ACHE: variants seen among roughly 807,000 people sequenced by gnomAD.
The protein encoded by ACHE is acetylcholinesterase.
In ACHE, 19 loss-of-function variants were observed where a neutral mutation model predicts 53.9. That is an observed-to-expected ratio of 0.35 (90% CI 0.25 to 0.52). The LOEUF (loss-of-function observed/expected upper bound fraction) is 0.52. ACHE is among the 20% of genes least tolerant of loss of function. The pLI, the probability that ACHE is intolerant of heterozygous loss-of-function variation, is 0.95. For synonymous variants in ACHE, 392 were observed against 378.1 expected (o/e 1.04, Z -0.43); for missense variants, 605 against 849.4 (o/e 0.71, Z 3.58).
intron 1 of ACHE, 40 bp from the exon 2 acceptor site, chr7:100,894,292 G>A (rs1301793678): frequency 7.4e-7 from 1 of 1,347,186 alleles, no homozygotes; most frequent in Non-Finnish European, 9.7e-7. Flanking sequence ...AGGGTCGGTC[G>A]AGAAGCCAGG....
At chr7:100,890,979 G>A (rs200431197) in intron 4 of ACHE, 190 bp downstream of exon 4, 8 of 1,461,254 alleles carry the variant, frequency 5.5e-6, no homozygotes, top group Middle Eastern at 2.5e-4. Context: ...GGAGGTGGGA[G>A]AGGAAGAGGA....
At chr7:100,891,388 G>GC (rs1790688824) in intron 3 of ACHE, 50 bp from the exon 4 acceptor site, 2 of 1,479,288 alleles carry the variant, frequency 1.4e-6, no homozygotes, top group Non-Finnish European at 8.9e-7. Context: ...GGAGGAGGTG[G>GC]CCCCCAACTC....
Position 100,893,803 on chromosome 7 carries a change from G to C in ACHE, c.430C>G (p.Pro144Ala). Residue 144 changes from proline (P) to alanine (A), a missense_variant, in exon 2 of 5, where the codon CCT becomes GCT. Pro to Ala is a conservative substitution (Grantham distance 27). Around this residue, in one of 4 missense-constraint regions of ACHE, gnomAD observed 397 missense variants for 632.5 expected, o/e 0.63. Coordinates refer to ENST00000241069, the MANE Select transcript of ACHE (RefSeq NM_000665.5). ...TPYPRPTSPTPVLVWIYGGGF... is the reference protein window; with the variant it reads ...TPYPRPTSPTAVLVWIYGGGF... ...CCCCCATAGATCCAGACGAGGACAG[G>C]GGTGGGGGATGTAGGCCGGGGGTAT... is the stretch of plus-strand genomic sequence containing the variant. The C allele has an allele frequency of 6.2e-7, 1 of 1,613,836 alleles. No individual in the cohort carries two copies. Among genetic ancestry groups the C allele is most frequent in the Non-Finnish European group, 8.5e-7 (1 of 1,179,968 alleles).
Position 100,892,786 on chromosome 7 carries a change from C to A in ACHE, c.1101G>T (p.Ser367=), listed in dbSNP as rs761981699. The change falls in exon 3 of 5, where the codon TCG becomes TCT. Residue 367 remains serine, a synonymous_variant. Transcript: ENST00000241069. The surrounding 1 kb of genome is among the most constrained non-coding windows in gnomAD (Gnocchi z 5.2). ...VLVGVVKDEG[S]YFLVYGAPGF... ...CTGGGGCCCCGTAAACCAGAAAATA[C>A]GAGCCCTCATCCTTCACCACACCCA... 1 of 1,598,570 alleles carries A rather than the reference C, an allele frequency of 6.3e-7. No individual in the cohort carries two copies. Among genetic ancestry groups the A allele is most frequent in the Non-Finnish European group, 8.5e-7 (1 of 1,175,888 alleles).
In ACHE at chr7:100,890,778, G is replaced by A. The variant is rs574521787; in HGVS notation, c.1723+391C>T. 2.7e-5 allele frequency: 36 copies of A among 1,351,650 alleles called. No homozygotes were observed. In the South Asian group the frequency reaches 7.4e-4, roughly 28 times the overall value. 83.7% of individuals were successfully genotyped at this position (1,351,650 alleles called of 1,614,324 possible). On this transcript the variant is annotated intron_variant, in intron 4 of 4. Coordinates refer to ENST00000241069, the MANE Select transcript of ACHE (RefSeq NM_000665.5). The stretch of plus-strand genomic sequence containing the variant: ...CCATTTCCATTCAAACAACAAAGGC[G>A]TGGGGGTCCCTGAGAAGGGTGGGAG...
chr7:100,894,176 G>A lies in ACHE; in HGVS notation c.57C>T (p.Leu19=). Residue 19 remains leucine (L), a synonymous_variant, in exon 2 of 5, where the codon CTC becomes CTT. Coordinates refer to ENST00000241069, the MANE Select transcript of ACHE (RefSeq NM_000665.5). ...CTCCACCCAGGAGCCAGAGGAGGAGGAGAAGGAGTGGGGAAGCCAGGGAAG... is the reference window on the plus strand; with the variant it reads ...CTCCACCCAGGAGCCAGAGGAGGAGAAGAAGGAGTGGGGAAGCCAGGGAAG... ...HTPSLASPLL[L]LLLWLLGGGV... 4 of 1,482,310 alleles carry A rather than the reference G, an allele frequency of 2.7e-6. No homozygotes were observed. The highest frequency in any genetic ancestry group is 3.6e-6 in the Non-Finnish European group (4 of 1,122,792). 91.8% of individuals were successfully genotyped at this position (1,482,310 alleles called of 1,614,324 possible).
rs538570516 is a variant in ACHE, at chr7:100,894,203, C to A, written c.30G>T (p.Thr10=). Residue 10 remains threonine, a synonymous_variant, in exon 2 of 5, where the codon ACG becomes ACT. Coordinates refer to ENST00000241069, the MANE Select transcript of ACHE (RefSeq NM_000665.5). Reference sequence around the variant, plus strand: ...GAAGGAGTGGGGAAGCCAGGGAAGGCGTGTGCAGCAGACACTGCGGGGGCC... The same window carrying A: ...GAAGGAGTGGGGAAGCCAGGGAAGGAGTGTGCAGCAGACACTGCGGGGGCC... MRPPQCLLH[T]PSLASPLLLL... 3 of 1,469,482 alleles carry A rather than the reference C, an allele frequency of 2.0e-6. No homozygotes were observed. Among genetic ancestry groups the A allele is most frequent in the East Asian group, 4.7e-5 (2 of 42,410 alleles). 91.0% of individuals were successfully genotyped at this position (1,469,482 alleles called of 1,614,324 possible). A position where few individuals can be genotyped will look rare whatever the true frequency, so the allele number is the denominator to read the frequency against.
rs1790775843 is a variant in ACHE at position 100,892,737 on chromosome 7, G to C, written c.1150C>G (p.Leu384Val). The C allele has an allele frequency of 6.2e-7, 1 of 1,612,972 alleles. No individual in the cohort carries two copies. The highest frequency in any genetic ancestry group is 1.3e-5 in the African/African-American group (1 of 74,902). Residue 384 changes from leucine to valine, a missense_variant, in exon 3 of 5, where the codon CTC (leucine) becomes GTC (valine). Leu to Val is a conservative substitution (Grantham distance 32). Around this residue, in one of 4 missense-constraint regions of ACHE, gnomAD observed 397 missense variants for 632.5 expected, o/e 0.63. Coordinates refer to ENST00000241069, the MANE Select transcript of ACHE (RefSeq NM_000665.5). The surrounding 1 kb of genome is among the most constrained non-coding windows in gnomAD (Gnocchi z 5.2). ...GCCAGGAACTCGGCCCGGCTGATGA[G>C]AGACTCGTTGTCTTTGCTGAAGCCT... ...APGFSKDNES[L>V]ISRAEFLAGV...
At position 100,893,939 on chromosome 7, in the gene ACHE, A is replaced by G; in HGVS notation, c.294T>C (p.Ser98=). ...GGGTGTCCACATATTGGTAGCAGAC[A>G]CTCTGGAAGGTTGTAGCGTCTACCA... ...SGVVDATTFQ[S]VCYQYVDTLY... Residue 98 remains serine, a synonymous_variant, in exon 2 of 5, where the codon AGT becomes AGC. Transcript: ENST00000241069. The G allele has an allele frequency of 1.2e-6, 2 of 1,603,864 alleles. No individual in the cohort carries two copies. The highest frequency in any genetic ancestry group is 2.2e-5 in the South Asian group (2 of 90,236).
At chr7:100,890,896 C>A in intron 4 of ACHE, 1 of 1,466,254 alleles carries the variant, frequency 6.8e-7, no homozygotes, top group Non-Finnish European at 9.0e-7. Context: ...TGGGGCCCTT[C>A]CCCACGGTCC....
At chr7:100,895,218 C>T (rs1267702763) in intron 1 of ACHE, among the ~76,000 whole-genome samples, 1 of 152,200 alleles carries the variant, frequency 6.6e-6, no homozygotes, top group Non-Finnish European at 1.5e-5. Flanking sequence ...CCCCCTCTCC[C>T]GCCGGTCACT....
intron 1 of ACHE, among the ~76,000 whole-genome samples, chr7:100,895,534 A>G (rs531355508): frequency 1.6e-4 from 25 of 152,144 alleles, no homozygotes; most frequent in African/African-American, 5.8e-4. Context: ...CTAGGGAGCG[A>G]TCGGGGAAGG....
Position 100,893,979 on chromosome 7 carries a change from T to C in ACHE, c.254A>G (p.Gln85Arg), listed in dbSNP as rs1243526956. The change falls in exon 2 of 5, where the codon CAG (glutamine) becomes CGG (arginine). Residue 85 changes from glutamine (Q) to arginine (R), a missense_variant. Gln to Arg is a conservative substitution (Grantham distance 43). Transcript: ENST00000241069. Reference protein sequence around the residue: ...PRRFLPPEPKQPWSGVVDATT... With the variant: ...PRRFLPPEPKRPWSGVVDATT... ...AGCGTCTACCACCCCTGACCAAGGC[T>C]GCTTGGGCTCCGGTGGCAGAAAGCG... The C allele has an allele frequency of 6.2e-7, 1 of 1,612,050 alleles. No individual in the cohort carries two copies. Among genetic ancestry groups the C allele is most frequent in the African/African-American group, 1.3e-5 (1 of 74,878 alleles).
intron 1 of ACHE, among the ~76,000 whole-genome samples, chr7:100,894,775 C>G (rs971355293): frequency 2.6e-5 from 4 of 152,086 alleles, no homozygotes; most frequent in African/African-American, 9.7e-5. Context: ...CAAATCCTGC[C>G]TAGTCCACTC....
At chr7:100,896,615 C>T, upstream of ACHE, 1 of 268,426 alleles carries the variant, frequency 3.7e-6, no homozygotes, top group South Asian at 2.6e-5. Context: ...CACTCCGCGG[C>T]GGCAGTGGAA....
Position 100,893,637 on chromosome 7 carries a change from G to C in ACHE, c.596C>G (p.Pro199Arg). The C allele has an allele frequency of 6.2e-7, 1 of 1,613,022 alleles. No individual in the cohort carries two copies. The highest frequency in any genetic ancestry group is 8.5e-7 in the Non-Finnish European group (1 of 1,180,014). The change falls in exon 2 of 5, where the codon CCG (proline) becomes CGG (arginine). Residue 199 changes from proline (P) to arginine (R), a missense_variant. By Grantham distance (103) the Pro-to-Arg change is moderately radical. This residue lies in a region of ACHE where 397 missense variants were observed against 632.5 expected (regional missense o/e 0.63). Coordinates refer to ENST00000241069, the MANE Select transcript of ACHE (RefSeq NM_000665.5). ...FLALPGSREAPGNVGLLDQRL... is the reference protein window; with the variant it reads ...FLALPGSREARGNVGLLDQRL... ...CTGATCCAGGAGACCCACATTGCCC[G>C]GGGCCTCTCGGCTCCCCGGCAGGGC...
Position 100,893,914 on chromosome 7 carries a change from G to C in ACHE, c.319C>G (p.Leu107Val). 1.9e-6 allele frequency: 3 copies of C among 1,601,306 alleles called. No individual in the cohort carries two copies. Among genetic ancestry groups the C allele is most frequent in the Non-Finnish European group, 2.6e-6 (3 of 1,172,700 alleles). ...TCGGTGCCCTCAAAACCTGGGTATA[G>C]GGTGTCCACATATTGGTAGCAGACA... Reference protein sequence around the residue: ...QSVCYQYVDTLYPGFEGTEMW... With the variant: ...QSVCYQYVDTVYPGFEGTEMW... The change falls in exon 2 of 5, where the codon CTA becomes GTA. Residue 107 changes from leucine to valine, a missense_variant. Leu to Val is a conservative substitution (Grantham distance 32). Transcript: ENST00000241069.
intron 4 of ACHE, chr7:100,890,827 G>A: frequency 7.1e-7 from 1 of 1,414,840 alleles, no homozygotes; most frequent in Non-Finnish European, 9.2e-7. Context: ...CTCCTGCCCT[G>A]TCCAGTGTGA....
chr7:100,890,487 A>G (rs1790602996), intron 4 of ACHE, 152 bp from the exon 5 acceptor site: 4 of 1,449,510 alleles, frequency 2.8e-6, no homozygotes, highest in African/African-American at 1.4e-5. Context: ...CAAGAGGATC[A>G]GGAGAATGTG....
Sources: gnomAD v4.1 joint callset for allele counts (sites outside exome capture counted in the v4.1 genomes callset) on GRCh38, gnomAD v4.1.1 for gene constraint, gnomAD v4.1.1 regional missense constraint, Gnocchi (gnomAD v3.1) non-coding constraint, MANE v1.5 for transcripts, NCBI Gene and HGNC (gene_info 2026-07-23, HGNC 2026-07-21) for gene names.